The following TLE6 variants were observed in gnomAD, a reference collection of about 807,000 sequenced individuals.
TLE6 encodes the protein transducin-like enhancer protein 6.
A neutral mutation model predicts 77.1 loss-of-function variants in TLE6; 72 were observed. The observed-to-expected ratio is 0.93, with a 90% CI of 0.77 to 1.14. The LOEUF (loss-of-function observed/expected upper bound fraction) is 1.14. Ranked by LOEUF, TLE6 falls within the 50% of genes most tolerant of loss-of-function variation. The probability of loss-of-function intolerance (pLI) is 0.00; values close to 1 mark genes in which losing one functional copy is unlikely to be tolerated. For synonymous variants in TLE6, 366 were observed against 287.3 expected (o/e 1.27, Z -2.77); for missense variants, 843 against 747.6 (o/e 1.13, Z -1.49).
intron 16 of TLE6, among the ~76,000 whole-genome samples, chr19:2,994,346 C>T (rs2089159909): frequency 6.6e-6 from 1 of 152,164 alleles, no homozygotes; most frequent in Non-Finnish European, 1.5e-5. Flanking sequence ...TGCGGTGGCT[C>T]ACGCCTGTAA....
chr19:2,984,935 T>C (rs1282614142), intron 5 of TLE6, among the ~76,000 whole-genome samples: 3 of 151,986 alleles, frequency 2.0e-5, no homozygotes, highest in Non-Finnish European at 4.4e-5. Context: ...GGCTTGATTT[T>C]TGTTGTTGTT....
At chr19:2,992,153 T>C (rs1425236305) in intron 14 of TLE6, among the ~76,000 whole-genome samples, 169 bp downstream of exon 14, 1 of 151,912 alleles carries the variant, frequency 6.6e-6, no homozygotes, top group African/African-American at 2.4e-5. Context: ...GTGGCCAACA[T>C]AGTGAAACCC....
At chr19:2,980,357 T>G (rs1034622999) in intron 3 of TLE6, 175 bp downstream of exon 3, 26 of 453,120 alleles carry the variant, frequency 5.7e-5, no homozygotes, top group African/African-American at 4.8e-4. Context: ...TCCCAGCTTT[T>G]GATTAAACAA....
chr19:2,987,423 G>A (rs534188815), intron 8 of TLE6, 51 bp downstream of exon 8: 71 of 1,611,724 alleles, frequency 4.4e-5, no homozygotes, highest in African/African-American at 9.3e-5. Context: ...CCGGGCAGGC[G>A]GTTGGGCTCC....
rs547031586 is a variant in TLE6, at chr19:2,986,071, C to CAAAAAAAA, written c.223-726_223-719dup. On this transcript the variant is annotated intron_variant, in intron 5 of 16. Coordinates refer to ENST00000246112, the MANE Select transcript of TLE6 (RefSeq NM_001143986.2). ...CCTGGGCCACAGCGTGAGACTGTCT[C>CAAAAAAAA]AAAAAAAAAAAAAAAAAAAAAAAAA... Among the ~76,000 whole-genome samples, 17 of 41,274 alleles carry CAAAAAAAA rather than the reference C, an allele frequency of 4.1e-4. 1 individual carries two copies. Among genetic ancestry groups the CAAAAAAAA allele is most frequent in the Non-Finnish European group, 7.8e-4 (16 of 20,492 alleles). The allele number at this position is 41,274 out of a possible 152,430, so 27.1% of individuals were successfully genotyped here. A position where few individuals can be genotyped will look rare whatever the true frequency, so the allele number is the denominator to read the frequency against.
At chr19:2,984,133 G>A (rs1354937185) in intron 5 of TLE6, 4 of 152,236 alleles carry the variant, frequency 2.6e-5, no homozygotes, top group African/African-American at 9.7e-5. Flanking sequence ...CCCCTCCTCC[G>A]ACAGCCCGCC....
At position 2,995,078 on chromosome 19, in the gene TLE6, C is replaced by CA; in HGVS notation, c.*75dup. The CA allele has an allele frequency of 3.2e-6, 3 of 947,688 alleles. No individual in the cohort carries two copies. In the South Asian group the frequency reaches 4.4e-5, roughly 14 times the overall value. The allele number at this position is 947,688 out of a possible 1,614,324, so 58.7% of individuals were successfully genotyped here. On this transcript the variant is annotated 3_prime_UTR_variant, in exon 17 of 17. Coordinates refer to ENST00000246112, the MANE Select transcript of TLE6 (RefSeq NM_001143986.2). The stretch of plus-strand genomic sequence containing the variant: ...CCTTCCCCCCCCCCAACAAGGGGGA[C>CA]ATGGTGGAGGGAAGCGGGAAGGCTC...
At position 2,989,546 on chromosome 19, in the gene TLE6, C is replaced by T. The variant is rs766685142; in HGVS notation, c.1005C>T (p.Ala335=). The T allele has an allele frequency of 1.3e-5, 21 of 1,612,084 alleles. No individual in the cohort carries two copies. The highest frequency in any genetic ancestry group is 1.7e-5 in the Non-Finnish European group (20 of 1,179,694). Reference sequence around the variant, plus strand: ...TCTGCCCATCCCAGACCCCTGGGGCCTTCCTGCGCACCTGCCTGCTGTCCT... The same window carrying T: ...TCTGCCCATCCCAGACCCCTGGGGCTTTCCTGCGCACCTGCCTGCTGTCCT... ...ESHLPIQTPG[A]FLRTCLLSSN... The change falls in exon 13 of 17, where the codon GCC becomes GCT. Residue 335 remains alanine (A), a synonymous_variant. Coordinates refer to ENST00000246112, the MANE Select transcript of TLE6 (RefSeq NM_001143986.2).
Position 2,994,111 on chromosome 19 carries a change from G to T in TLE6, c.1614+16G>T, listed in dbSNP as rs111424736. On this transcript the variant is annotated intron_variant, in intron 16 of 16. Coordinates refer to ENST00000246112, the MANE Select transcript of TLE6 (RefSeq NM_001143986.2). ...AGTGTTCGAGGTACTGCGGTGGGCT[G>T]GGGGCAGGACCCGGGGGTGGCCCCA... 3 of 900,188 alleles carry T rather than the reference G, an allele frequency of 3.3e-6. No individual in the cohort carries two copies. Among genetic ancestry groups the T allele is most frequent in the Non-Finnish European group, 5.1e-6 (3 of 592,196 alleles). The allele number at this position is 900,188 out of a possible 1,614,324, so 55.8% of individuals were successfully genotyped here.
chr19:2,994,000 G>C lies in TLE6; in HGVS notation c.1538-19G>C. 2 of 1,592,080 alleles carry C rather than the reference G, an allele frequency of 1.3e-6. No individual in the cohort carries two copies. Among genetic ancestry groups the C allele is most frequent in the Non-Finnish European group, 1.7e-6 (2 of 1,169,372 alleles). ...AAAGGTAGTGGTTCTAAGTCTCGCT[G>C]ATGCTCCATTTCTCCCAGGCCAGTG... On this transcript the variant is annotated intron_variant, in intron 15 of 16. Coordinates refer to ENST00000246112, the MANE Select transcript of TLE6 (RefSeq NM_001143986.2).
intron 5 of TLE6, chr19:2,984,381 C>T (rs937083068): frequency 5.3e-5 from 8 of 152,086 alleles, no homozygotes; most frequent in Non-Finnish European, 7.4e-5. Context: ...GTCTCCCCTC[C>T]CGGCCCCTCC....
chr19:2,987,609 C>T (rs1046996089), intron 8 of TLE6, 115 bp from the exon 9 acceptor site: 3 of 1,280,012 alleles, frequency 2.3e-6, no homozygotes, highest in Non-Finnish European at 2.3e-6. Context: ...CTGCCTGGAC[C>T]CGCAGACAGG....
intron 13 of TLE6, among the ~76,000 whole-genome samples, chr19:2,991,508 G>T (rs1338177830): frequency 6.7e-6 from 1 of 150,292 alleles, no homozygotes; most frequent in Non-Finnish European, 1.5e-5. Flanking sequence ...GTAAAATACA[G>T]CACACCACCC....
chr19:2,979,337 C>T (rs2088747674), intron 2 of TLE6, among the ~76,000 whole-genome samples: 1 of 151,778 alleles, frequency 6.6e-6, no homozygotes, highest in South Asian at 2.1e-4. Flanking sequence ...ACCTCCACCT[C>T]CCAGGTTCAA....
At position 2,989,790 on chromosome 19, in the gene TLE6, G is replaced by A. The variant is rs772943968; in HGVS notation, c.1244+5G>A. The stretch of plus-strand genomic sequence containing the variant: ...GCGGGATCAGAGTGTGGTCAGGTGC[G>A]TTTGGGGGGTGGGAAGGGGAAGCAT... On this transcript the variant is annotated splice_donor_5th_base_variant and intron_variant, in intron 13 of 16. Coordinates refer to ENST00000246112, the MANE Select transcript of TLE6 (RefSeq NM_001143986.2). The A allele has an allele frequency of 3.7e-6, 6 of 1,609,056 alleles. No individual in the cohort carries two copies. Among genetic ancestry groups the A allele is most frequent in the East Asian group, 4.5e-5 (2 of 44,862 alleles).
intron 14 of TLE6, 73 bp downstream of exon 14, chr19:2,992,057 C>G (rs577020785): frequency 1.3e-6 from 2 of 1,563,154 alleles, no homozygotes; most frequent in Admixed American, 3.4e-5. Flanking sequence ...AGGTTGAGGC[C>G]GGGCTCCGTG....
chr19:2,978,274 A>G lies in TLE6; in HGVS notation c.41A>G (p.Lys14Arg). The G allele has an allele frequency of 6.4e-7, 1 of 1,551,478 alleles. No individual in the cohort carries two copies. Among genetic ancestry groups the G allele is most frequent in the East Asian group, 2.4e-5 (1 of 40,920 alleles). ...CAGCCCAGACCCAAGGGCCCCCCGA[A>G]AAGCACTTCGGTGAGGAGGGCATGT... ...RDQPRPKGPPKSTSPCPGISN... is the reference protein window; with the variant it reads ...RDQPRPKGPPRSTSPCPGISN... The change falls in exon 2 of 17, where the codon AAA becomes AGA. Residue 14 changes from lysine to arginine, a missense_variant. By Grantham distance (26) the Lys-to-Arg change is conservative. Coordinates refer to ENST00000246112, the MANE Select transcript of TLE6 (RefSeq NM_001143986.2).
intron 16 of TLE6, among the ~76,000 whole-genome samples, chr19:2,994,542 G>A (rs773294202): frequency 4.6e-5 from 7 of 152,004 alleles, no homozygotes; most frequent in South Asian, 4.1e-4. Flanking sequence ...CCAGGGAGGC[G>A]GAGCTTGCAG....
chr19:2,988,215 G>C, intron 11 of TLE6, 87 bp downstream of exon 11: 1 of 1,330,348 alleles, frequency 7.5e-7, no homozygotes, highest in Non-Finnish European at 1.0e-6. Flanking sequence ...GACACATAGA[G>C]GGGAACAGAG....
Sources: allele counts gnomAD v4.1 joint callset (sites outside exome capture counted in the v4.1 genomes callset), GRCh38; gene constraint gnomAD v4.1.1; transcripts MANE v1.5; gene names NCBI Gene and HGNC (gene_info 2026-07-23, HGNC 2026-07-21).